SLC26A11: variants seen among roughly 807,000 people sequenced by gnomAD.
SLC26A11 encodes the protein solute carrier family 26 member 11.
Under a neutral mutation model 62.2 loss-of-function variants are expected in SLC26A11, and 58 were observed. The ratio of observed to expected loss-of-function variants is 0.93; its 90% CI spans 0.76 to 1.16. The LOEUF (loss-of-function observed/expected upper bound fraction) is 1.16, where lower values mean the gene tolerates loss of function less well. Among genes scored for constraint, SLC26A11 ranks in the 50% most tolerant of loss-of-function variants. The pLI, the probability that SLC26A11 is intolerant of heterozygous loss-of-function variation, is 0.00. For synonymous variants in SLC26A11, 411 were observed against 368.9 expected, an observed-to-expected ratio of 1.11 and a Z score of -1.31; for missense variants, 790 against 794.3, an observed-to-expected ratio of 0.99 and a Z score of 0.06.
At chr17:80,236,435 C>T (rs112904544) in intron 7 of SLC26A11, among the ~76,000 whole-genome samples, 16,012 of 152,194 alleles carry the variant, frequency 0.11, 979 homozygotes, top group African/African-American at 0.16. Flanking sequence ...TGGGGACCAT[C>T]GGGGAAACCG....
At chr17:80,236,824 C>T (rs1458646350) in intron 7 of SLC26A11, 104 bp from the exon 8 acceptor site, 13 of 1,230,210 alleles carry the variant, frequency 1.1e-5, no homozygotes, top group South Asian at 1.4e-5. Flanking sequence ...CCGGTGGGGG[C>T]GTCTCCTGCC....
chr17:80,232,364 T>G (rs546957276), intron 7 of SLC26A11, among the ~76,000 whole-genome samples: 40 of 152,126 alleles, frequency 2.6e-4, no homozygotes, highest in Admixed American at 2.4e-3. Flanking sequence ...AAGCAATTGT[T>G]GTGCCTCAGC....
chr17:80,252,774 G>A lies in SLC26A11; in HGVS notation c.*58G>A. On this transcript the variant is annotated 3_prime_UTR_variant, in exon 18 of 18. Transcript: ENST00000361193. The surrounding 1 kb of genome is among the most constrained non-coding windows in gnomAD (Gnocchi z 5.2). ...GGTGTTCCGGAAGGTTCTTGTCACT[G>A]TGATTGGATGCTGGATGCCGCCTGA... 6.8e-7 allele frequency: 1 copy of A among 1,474,916 alleles called. No individual in the cohort carries two copies. The highest frequency in any genetic ancestry group is 1.2e-5 in the South Asian group (1 of 86,922). 91.4% of individuals were successfully genotyped at this position (1,474,916 alleles called of 1,614,324 possible).
chr17:80,223,331 G>C lies in SLC26A11; in HGVS notation c.507G>C (p.Gln169His), dbSNP rs536655493. ...CTGCCGTCACCATCGGCTTTGGACAGATCAAGGTAGGCACGGCGCCCACCC... is the reference window on the plus strand; with the variant it reads ...CTGCCGTCACCATCGGCTTTGGACACATCAAGGTAGGCACGGCGCCCACCC... ...SAAAVTIGFGQIKNLLGLQNI... is the reference protein window; with the variant it reads ...SAAAVTIGFGHIKNLLGLQNI... The change falls in exon 5 of 18, where the codon CAG (glutamine) becomes CAC (histidine). Residue 169 changes from glutamine to histidine, a missense_variant. Physicochemically the swap from Gln to His is conservative, Grantham distance 24. Coordinates refer to ENST00000361193, the MANE Select transcript of SLC26A11 (RefSeq NM_001166347.2). The surrounding 1 kb of genome is among the most constrained non-coding windows in gnomAD (Gnocchi z 4.6). The C allele has an allele frequency of 1.9e-6, 3 of 1,614,020 alleles. No homozygotes were observed.
chr17:80,221,447 C>A, intron 2 of SLC26A11, 101 bp from the exon 3 acceptor site: 1 of 803,510 alleles, frequency 1.2e-6, no homozygotes, highest in Non-Finnish European at 1.9e-6. Flanking sequence ...GAGGGGAGAC[C>A]CATAGTGACC....
At chr17:80,247,096 T>A (rs2043022490) in intron 13 of SLC26A11, among the ~76,000 whole-genome samples, 1 of 151,524 alleles carries the variant, frequency 6.6e-6, no homozygotes. Flanking sequence ...TTTTTATTGA[T>A]CATTCTTGGG....
At position 80,227,899 on chromosome 17, in the gene SLC26A11, C is replaced by A; in HGVS notation, c.675C>A (p.Val225=). The A allele has an allele frequency of 1.9e-6, 3 of 1,601,720 alleles. No individual in the cohort carries two copies. Among genetic ancestry groups the A allele is most frequent in the Non-Finnish European group, 2.5e-6 (3 of 1,179,834 alleles). The change falls in exon 7 of 18, where the codon GTC becomes GTA. Residue 225 remains valine (V), a synonymous_variant. Coordinates refer to ENST00000361193, the MANE Select transcript of SLC26A11 (RefSeq NM_001166347.2). ...LKLMRDHVPP[V]HPEMPPGVRL... ...TGATGCGGGACCACGTGCCTCCCGT[C>A]CACCCCGAGATGCCCCCTGGTGTGC...
chr17:80,251,249 G>A (rs2043147303), intron 16 of SLC26A11, 80 bp from the exon 17 acceptor site: 30 of 1,613,042 alleles, frequency 1.9e-5, no homozygotes, highest in Non-Finnish European at 2.4e-5. Flanking sequence ...GAGACTCTGA[G>A]ATGGCAGGTC....
At chr17:80,251,006 C>T (rs11867448) in intron 16 of SLC26A11, among the ~76,000 whole-genome samples, 45,597 of 151,574 alleles carry the variant, frequency 0.3, 7,706 homozygotes, top group East Asian at 0.54. Flanking sequence ...GACGTGGTGG[C>T]GTGCACCTGT....
At chr17:80,242,454 C>T (rs1018401128) in intron 10 of SLC26A11, among the ~76,000 whole-genome samples, 4 of 152,164 alleles carry the variant, frequency 2.6e-5, no homozygotes, top group Admixed American at 1.3e-4. Flanking sequence ...TGTCCCACCT[C>T]GGGGAGGGAG....
intron 8 of SLC26A11, 44 bp downstream of exon 8, chr17:80,237,147 T>C: frequency 6.3e-7 from 1 of 1,582,428 alleles, no homozygotes; most frequent in Non-Finnish European, 8.6e-7. Context: ...GAGGCTGCGG[T>C]GGCCCCTGGC....
At position 80,227,925 on chromosome 17, in the gene SLC26A11, G is replaced by A. The variant is rs763132300; in HGVS notation, c.701G>A (p.Arg234Gln). The stretch of plus-strand genomic sequence containing the variant: ...CACCCCGAGATGCCCCCTGGTGTGC[G>A]GCTCAGCCGTGGGCTGGTCTGGGCT... Reference protein sequence around the residue: ...PVHPEMPPGVRLSRGLVWAAT... With the variant: ...PVHPEMPPGVQLSRGLVWAAT... The change falls in exon 7 of 18, where the codon CGG becomes CAG. Residue 234 changes from arginine to glutamine, a missense_variant. Coordinates refer to ENST00000361193, the MANE Select transcript of SLC26A11 (RefSeq NM_001166347.2). The A allele has an allele frequency of 4.4e-6, 7 of 1,600,958 alleles. No homozygotes were observed. The highest frequency in any genetic ancestry group is 4.5e-5 in the East Asian group (2 of 44,848).
intron 5 of SLC26A11, among the ~76,000 whole-genome samples, chr17:80,224,196 T>TGTATGA (rs1246797520): frequency 2.9e-4 from 38 of 130,186 alleles, no homozygotes; most frequent in African/African-American, 1.0e-3. Flanking sequence ...TGTATGAGTG[T>TGTATGA]GTGTGAGTGT....
chr17:80,222,958 T>A lies in SLC26A11; in HGVS notation c.427+111T>A. 1 of 1,148,404 alleles carries A rather than the reference T, an allele frequency of 8.7e-7. No homozygotes were observed. Among genetic ancestry groups the A allele is most frequent in the Non-Finnish European group, 1.2e-6 (1 of 812,212 alleles). The allele number at this position is 1,148,404 out of a possible 1,614,324, so 71.1% of individuals were successfully genotyped here. On this transcript the variant is annotated intron_variant, in intron 4 of 17. Coordinates refer to ENST00000361193, the MANE Select transcript of SLC26A11 (RefSeq NM_001166347.2). This position sits in a 1 kb window ranked among gnomAD's most constrained non-coding sequence, Gnocchi z 4.7. ...GTGTGCGTGTTGGGGTGTGGGTATG[T>A]ATGTGTGTGTGTGTAGGTGGGTGGG...
intron 7 of SLC26A11, among the ~76,000 whole-genome samples, chr17:80,234,265 A>T (rs1401653913): frequency 6.6e-6 from 1 of 152,186 alleles, no homozygotes; most frequent in Non-Finnish European, 1.5e-5. Context: ...TTGGCCTCCC[A>T]AAGTGCTAGG....
At chr17:80,232,659 T>G (rs143311377) in intron 7 of SLC26A11, among the ~76,000 whole-genome samples, 195 of 152,382 alleles carry the variant, frequency 1.3e-3, no homozygotes, top group African/African-American at 4.3e-3. Flanking sequence ...GCCTTTTAAT[T>G]GGAATCTTAT....
intron 14 of SLC26A11, 97 bp from the exon 15 acceptor site, chr17:80,248,478 C>T: frequency 7.4e-7 from 1 of 1,359,018 alleles, no homozygotes; most frequent in Non-Finnish European, 1.0e-6. Flanking sequence ...TCCCCTGCAG[C>T]ACACTAGGTT....
Position 80,252,784 on chromosome 17 carries a change from G to A in SLC26A11, c.*68G>A, listed in dbSNP as rs2043186718. The A allele has an allele frequency of 1.4e-6, 2 of 1,387,124 alleles. No individual in the cohort carries two copies. Among genetic ancestry groups the A allele is most frequent in the Non-Finnish European group, 2.0e-6 (2 of 988,472 alleles). The allele number at this position is 1,387,124 out of a possible 1,614,324, so 85.9% of individuals were successfully genotyped here. The stretch of plus-strand genomic sequence containing the variant: ...AAGGTTCTTGTCACTGTGATTGGAT[G>A]CTGGATGCCGCCTGATAGACATGCT... On this transcript the variant is annotated 3_prime_UTR_variant, in exon 18 of 18. Coordinates refer to ENST00000361193, the MANE Select transcript of SLC26A11 (RefSeq NM_001166347.2). This position sits in a 1 kb window ranked among gnomAD's most constrained non-coding sequence, Gnocchi z 5.2.
At chr17:80,224,482 T>A (rs1220456760) in intron 5 of SLC26A11, among the ~76,000 whole-genome samples, 3 of 152,136 alleles carry the variant, frequency 2.0e-5, no homozygotes, top group Non-Finnish European at 4.4e-5. Flanking sequence ...AGTGTGAGAA[T>A]AAAGTAGACA....
Sources: allele counts gnomAD v4.1 joint callset (sites outside exome capture counted in the v4.1 genomes callset), GRCh38; gene constraint gnomAD v4.1.1; non-coding constraint Gnocchi (gnomAD v3.1); transcripts MANE v1.5; gene names NCBI Gene and HGNC (gene_info 2026-07-23, HGNC 2026-07-21).